Variants in MYT1L observed in about 807,000 individuals in gnomAD.
The protein encoded by MYT1L is myelin transcription factor 1-like protein.
In MYT1L, 12 loss-of-function variants were observed where a neutral mutation model predicts 126.7. That is an observed-to-expected ratio of 0.09 (90% CI 0.06 to 0.15). The LOEUF (loss-of-function observed/expected upper bound fraction) is 0.15. MYT1L is among the 10% of genes least tolerant of loss of function. MYT1L has a pLI of 1.00. For synonymous variants in MYT1L, 541 were observed against 604.2 expected (o/e 0.90, Z 1.53); for missense variants, 979 against 1,585.2 (o/e 0.62, Z 6.49).
intron 18 of MYT1L, among the ~76,000 whole-genome samples, chr2:1,863,137 G>C (rs1299365310): frequency 2.0e-5 from 3 of 152,114 alleles, no homozygotes; most frequent in African/African-American, 7.2e-5. Flanking sequence ...CTGAACTCTT[G>C]GAGAGAAAAA....
chr2:2,318,185 T>G (rs954300844), intron 1 of MYT1L, among the ~76,000 whole-genome samples: 3 of 152,236 alleles, frequency 2.0e-5, no homozygotes. Context: ...ACTCTACTAC[T>G]CCTTACACAA....
chr2:2,120,054 C>G (rs1441573870), intron 3 of MYT1L, among the ~76,000 whole-genome samples: 2 of 152,148 alleles, frequency 1.3e-5, no homozygotes, highest in Admixed American at 1.3e-4. Flanking sequence ...GAGATTTGCC[C>G]AGCTCGTTAC....
chr2:2,225,052 A>C (rs754257852), intron 2 of MYT1L, among the ~76,000 whole-genome samples: 1 of 151,798 alleles, frequency 6.6e-6, no homozygotes, highest in Non-Finnish European at 1.5e-5. Context: ...TTGTGTGACC[A>C]GTCCTGTCTA....
chr2:1,882,848 C>G (rs540857760), intron 18 of MYT1L, among the ~76,000 whole-genome samples: 9 of 152,200 alleles, frequency 5.9e-5, no homozygotes, highest in African/African-American at 2.2e-4. Flanking sequence ...AATAAGTAGC[C>G]TTAGCAAAAA....
chr2:1,826,629 C>A (rs1471503752), intron 21 of MYT1L, among the ~76,000 whole-genome samples: 1 of 152,186 alleles, frequency 6.6e-6, no homozygotes, highest in Non-Finnish European at 1.5e-5. Context: ...GGAAAAGAAG[C>A]AAAGGGTCTG....
intron 10 of MYT1L, among the ~76,000 whole-genome samples, chr2:1,919,625 T>C (rs932586645): frequency 2.6e-5 from 4 of 152,124 alleles, no homozygotes; most frequent in African/African-American, 9.7e-5. Context: ...AATAACAGAG[T>C]GTCTGAAAAT....
rs529817330 is a variant in MYT1L, at chr2:2,182,817, G to A, written c.-420-9829C>T. ...AGTCCCAGCGCGGCCCACAATGGCA[G>A]GGACTGAGATGGATAAACATCACAG... On this transcript the variant is annotated intron_variant, in intron 2 of 24. Transcript: ENST00000647738. Among the ~76,000 whole-genome samples the A allele has an allele frequency of 1.8e-4, 28 of 152,304 alleles. No homozygotes were observed. The South Asian group carries it at 5.4e-3, about 29-fold the overall frequency.
intron 1 of MYT1L, among the ~76,000 whole-genome samples, chr2:2,323,138 G>T (rs2096199057): frequency 1.3e-5 from 2 of 151,986 alleles, no homozygotes. Flanking sequence ...TCACATGAAG[G>T]GTTAATATGT....
At chr2:2,171,374 T>C (rs920146476) in intron 3 of MYT1L, among the ~76,000 whole-genome samples, 1 of 152,254 alleles carries the variant, frequency 6.6e-6, no homozygotes, top group African/African-American at 2.4e-5. Context: ...TGAGCATCCT[T>C]ATTTAAATGT....
At chr2:1,963,197 C>G (rs977292932) in intron 8 of MYT1L, among the ~76,000 whole-genome samples, 1 of 152,200 alleles carries the variant, frequency 6.6e-6, no homozygotes, top group African/African-American at 2.4e-5. Flanking sequence ...TCTTGGGTGC[C>G]CAGGTGCATT....
chr2:1,969,126 T>C (rs894178252), intron 8 of MYT1L, among the ~76,000 whole-genome samples: 1 of 152,234 alleles, frequency 6.6e-6, no homozygotes, highest in Non-Finnish European at 1.5e-5. Context: ...CAGAAGTCCC[T>C]GATTAGAAAT....
At chr2:2,285,951 C>T (rs886244713) in intron 1 of MYT1L, among the ~76,000 whole-genome samples, 12 of 152,026 alleles carry the variant, frequency 7.9e-5, no homozygotes, top group Non-Finnish European at 1.6e-4. Context: ...CCAAACAATC[C>T]TCCAATTCTT....
At chr2:2,174,716 AT>A in intron 2 of MYT1L, among the ~76,000 whole-genome samples, 2 of 152,246 alleles carry the variant, frequency 1.3e-5, no homozygotes, top group East Asian at 1.9e-4. Flanking sequence ...ACTTGACATT[AT>A]TGATACTGAC....
chr2:2,101,437 TCCA>T (rs1165638216), intron 3 of MYT1L, among the ~76,000 whole-genome samples: 2 of 152,102 alleles, frequency 1.3e-5, no homozygotes, highest in East Asian at 3.8e-4. Flanking sequence ...AGGCATTAAA[TCCA>T]CTCATCAATC....
Position 1,889,536 on chromosome 2 carries a change from C to T in MYT1L, c.2284-59G>A. On this transcript the variant is annotated intron_variant, in intron 15 of 24. Coordinates refer to ENST00000647738, the MANE Select transcript of MYT1L (RefSeq NM_001303052.2). This position sits in a 1 kb window ranked among gnomAD's most constrained non-coding sequence, Gnocchi z 4.1. ...CCCGGCATCTTGTGACACCACGAGT[C>T]CTTCCTCCCAGATTACAGTCCTGCC... The T allele has an allele frequency of 3.7e-6, 5 of 1,355,344 alleles. No homozygotes were observed. In the South Asian group the frequency reaches 6.8e-5, roughly 19 times the overall value. 84.0% of individuals were successfully genotyped at this position (1,355,344 alleles called of 1,614,324 possible).
At chr2:1,949,497 T>C (rs1351594111) in intron 8 of MYT1L, among the ~76,000 whole-genome samples, 1 of 152,186 alleles carries the variant, frequency 6.6e-6, no homozygotes, top group African/African-American at 2.4e-5. Context: ...ACTTCCAGTT[T>C]TTTGCATCTG....
chr2:2,026,471 G>A (rs566161001), intron 4 of MYT1L, among the ~76,000 whole-genome samples: 21 of 152,314 alleles, frequency 1.4e-4, no homozygotes, highest in African/African-American at 4.8e-4. Context: ...CAACTGTTCC[G>A]CAGACAGAAA....
At chr2:2,247,010 A>G (rs1436495146) in intron 2 of MYT1L, among the ~76,000 whole-genome samples, 1 of 152,138 alleles carries the variant, frequency 6.6e-6, no homozygotes, top group African/African-American at 2.4e-5. Flanking sequence ...TTTGGAAAAA[A>G]TCAGTCTGTC....
chr2:1,831,213 G>A (rs1437062470), intron 21 of MYT1L, among the ~76,000 whole-genome samples: 2 of 149,606 alleles, frequency 1.3e-5, no homozygotes, highest in Non-Finnish European at 3.0e-5. Flanking sequence ...AGGACCCCTG[G>A]CTCCCCCCAG....
Sources: gnomAD v4.1 joint callset for allele counts (sites outside exome capture counted in the v4.1 genomes callset) on GRCh38, gnomAD v4.1.1 for gene constraint, Gnocchi (gnomAD v3.1) non-coding constraint, MANE v1.5 for transcripts, NCBI Gene and HGNC (gene_info 2026-07-23, HGNC 2026-07-21) for gene names.